Variants in TENM2 observed in about 807,000 individuals in gnomAD.
TENM2 encodes teneurin transmembrane protein 2.
In TENM2, 52 loss-of-function variants were observed where a neutral mutation model predicts 245.2. The observed-to-expected ratio is 0.21, with a 90% confidence interval of 0.17 to 0.27. The LOEUF (loss-of-function observed/expected upper bound fraction) is 0.27. Among genes scored for constraint, TENM2 ranks in the 10% least tolerant of loss-of-function variants. TENM2 has a pLI of 1.00. For synonymous variants in TENM2, 1,363 were observed against 1,438.9 expected (o/e 0.95, Z 1.19); for missense variants, 3,046 against 3,666.8 (o/e 0.83, Z 4.37).
intron 2 of TENM2, among the ~76,000 whole-genome samples, chr5:167,696,188 C>T (rs1361834019): frequency 6.6e-6 from 1 of 152,046 alleles, no homozygotes; most frequent in Admixed American, 6.6e-5. Context: ...AATCTGCTGT[C>T]CAGGTTTGAT....
intron 4 of TENM2, among the ~76,000 whole-genome samples, chr5:167,962,010 G>T (rs867660332): frequency 3.9e-5 from 6 of 152,220 alleles, no homozygotes; most frequent in Admixed American, 2.0e-4. Context: ...GATGCAATCA[G>T]TTGGTTTTCT....
At chr5:167,539,076 A>C (rs921289947) in intron 2 of TENM2, among the ~76,000 whole-genome samples, 1 of 152,184 alleles carries the variant, frequency 6.6e-6, no homozygotes, top group Non-Finnish European at 1.5e-5. Flanking sequence ...TACTGTATCA[A>C]TGCTGCAATT....
At chr5:167,133,617 G>GAA in the TENM2 span, among the ~76,000 whole-genome samples, 28,232 of 66,914 alleles carry the variant, frequency 0.42, 4,544 homozygotes, top group East Asian at 0.54. Flanking sequence ...ACTCAAACTT[G>GAA]GAAAAAAAAA....
At chr5:167,064,592 T>A in the TENM2 span, among the ~76,000 whole-genome samples, 3 of 152,232 alleles carry the variant, frequency 2.0e-5, no homozygotes. Context: ...CGTTGCCTTC[T>A]AAGTGTGCAG....
the TENM2 span, among the ~76,000 whole-genome samples, chr5:167,217,588 T>C: frequency 2.0e-5 from 3 of 151,916 alleles, no homozygotes; most frequent in South Asian, 4.1e-4. Flanking sequence ...CGAGCTGTGC[T>C]ATCTTCCTGC....
intron 25 of TENM2, among the ~76,000 whole-genome samples, chr5:168,230,522 G>A (rs191272333): frequency 1.8e-4 from 27 of 152,312 alleles, no homozygotes; most frequent in Admixed American, 1.3e-3. Context: ...TTCGTCAGAT[G>A]TTTCGTGAGC....
the TENM2 span, among the ~76,000 whole-genome samples, chr5:167,196,560 G>A: frequency 1.4e-4 from 21 of 148,126 alleles, no homozygotes; most frequent in African/African-American, 2.5e-4. Context: ...ATATATATAT[G>A]TGTGTGTATA....
intron 2 of TENM2, among the ~76,000 whole-genome samples, chr5:167,805,368 A>G (rs540120563): frequency 2.0e-5 from 3 of 152,280 alleles, no homozygotes; most frequent in East Asian, 3.9e-4. Flanking sequence ...TCGTCCTGAG[A>G]AAAGGTTCAG....
At chr5:168,016,736 T>C (rs1239807527) in intron 5 of TENM2, among the ~76,000 whole-genome samples, 1 of 152,188 alleles carries the variant, frequency 6.6e-6, no homozygotes, top group Admixed American at 6.5e-5. Flanking sequence ...TGAAATCGGA[T>C]AGAATGGCGC....
chr5:167,189,563 C>G, the TENM2 span, among the ~76,000 whole-genome samples: 9 of 143,802 alleles, frequency 6.3e-5, no homozygotes, highest in Non-Finnish European at 3.1e-5. Flanking sequence ...CTTTCTCTTT[C>G]TTTTCTTTCT....
chr5:167,734,199 C>A (rs1760638850), intron 2 of TENM2, among the ~76,000 whole-genome samples: 2 of 152,074 alleles, frequency 1.3e-5, no homozygotes, highest in South Asian at 4.1e-4. Flanking sequence ...CTAATAGTAT[C>A]CATGGCCCTT....
chr5:167,208,325 A>G, the TENM2 span, among the ~76,000 whole-genome samples: 2 of 152,320 alleles, frequency 1.3e-5, no homozygotes, highest in South Asian at 2.1e-4. Context: ...TTTAATGTCT[A>G]TTTTAATCAT....
intron 1 of TENM2, among the ~76,000 whole-genome samples, chr5:167,298,917 T>C (rs886597402): frequency 2.0e-5 from 3 of 152,060 alleles, no homozygotes; most frequent in Non-Finnish European, 4.4e-5. Flanking sequence ...CAGAAGATAG[T>C]AGGGATGACA....
chr5:168,207,890 C>T (rs1762489968), intron 19 of TENM2, among the ~76,000 whole-genome samples: 1 of 152,166 alleles, frequency 6.6e-6, no homozygotes, highest in Non-Finnish European at 1.5e-5. Context: ...ACTTCTGATG[C>T]TACAAAGAGC....
intron 7 of TENM2, among the ~76,000 whole-genome samples, chr5:168,077,246 T>C (rs1192357018): frequency 6.6e-6 from 1 of 152,176 alleles, no homozygotes; most frequent in African/African-American, 2.4e-5. Flanking sequence ...CCTGAAGAGA[T>C]TATGTCCTTT....
chr5:167,769,652 T>C (rs1292032461), intron 2 of TENM2, among the ~76,000 whole-genome samples: 4 of 152,204 alleles, frequency 2.6e-5, no homozygotes, highest in Admixed American at 2.6e-4. Flanking sequence ...AAAAGGCTCC[T>C]TCAACTTCCC....
the TENM2 span, among the ~76,000 whole-genome samples, chr5:167,123,143 C>CAA: frequency 2.8e-3 from 285 of 102,858 alleles, 2 homozygotes; most frequent in African/African-American, 8.9e-3. Flanking sequence ...ACTAAAAATA[C>CAA]AAAAAAAAAA....
At position 168,238,304 on chromosome 5, in the gene TENM2, A is replaced by AAAAGAAAAGAAAAGAAAAGAAAAG. The variant is rs879494722; in HGVS notation, c.5521-6115_5521-6114insAAGAAAAGAAAAGAAAAGAAAAGA. ...GAAAAGAAAAGAAAAGAAAAGAAAA[A>AAAAGAAAAGAAAAGAAAAGAAAAG]ATCCCAGAAGACTGACCCGGAAAGA... On this transcript the variant is annotated intron_variant, in intron 25 of 28. Transcript: ENST00000518659. 1.4e-4 allele frequency among the ~76,000 whole-genome samples: 15 copies of AAAAGAAAAGAAAAGAAAAGAAAAG among 107,408 alleles called. 1 individual carries two copies. Among genetic ancestry groups the AAAAGAAAAGAAAAGAAAAGAAAAG allele is most frequent in the South Asian group, 3.2e-4 (1 of 3,150 alleles). 70.5% of individuals were successfully genotyped at this position (107,408 alleles called of 152,430 possible).
chr5:167,057,557 T>A, the TENM2 span, among the ~76,000 whole-genome samples: 1 of 152,260 alleles, frequency 6.6e-6, no homozygotes, highest in South Asian at 2.1e-4. Flanking sequence ...TGCTTCTCAG[T>A]TTCCCCACTC....
Sources: gnomAD v4.1 joint callset for allele counts (sites outside exome capture counted in the v4.1 genomes callset) on GRCh38, gnomAD v4.1.1 for gene constraint, MANE v1.5 for transcripts, NCBI Gene and HGNC (gene_info 2026-07-23, HGNC 2026-07-21) for gene names.